The following VGLL3 variants were observed in gnomAD, a reference collection of about 807,000 sequenced individuals.
The protein encoded by VGLL3 is vestigial like family member 3, also known as transcription cofactor vestigial-like protein 3.
A neutral mutation model predicts 29.2 loss-of-function variants in VGLL3; 18 were observed. That is an observed-to-expected ratio of 0.62 (90% CI 0.43 to 0.91). The LOEUF (loss-of-function observed/expected upper bound fraction) is 0.91. VGLL3 is among the 40% of genes least tolerant of loss of function. The pLI is 0.00. For synonymous variants in VGLL3, 180 were observed against 151.8 expected (o/e 1.19, Z -1.36); for missense variants, 440 against 413.2 (o/e 1.06, Z -0.56).
intron 2 of VGLL3, among the ~76,000 whole-genome samples, chr3:86,976,894 T>C (rs889585028): frequency 2.6e-5 from 4 of 152,218 alleles, no homozygotes; most frequent in Non-Finnish European, 4.4e-5. Flanking sequence ...ATTATTGATA[T>C]ATCAAATTAT....
intron 3 of VGLL3, chr3:86,962,923 C>G (rs1312318497): frequency 8.2e-6 from 1 of 121,616 alleles, no homozygotes; most frequent in African/African-American, 2.7e-5. Flanking sequence ...AAAATAGTGA[C>G]TATCTACTAA....
Position 86,943,796 on chromosome 3 carries a change from G to A in VGLL3, c.*3228C>T, listed in dbSNP as rs537902368. ...GTTCCTGATTTGTCAACATTATGTT[G>A]TTTCTTAGCTCCCGATGGTTTATTG... On this transcript the variant is annotated 3_prime_UTR_variant, in exon 4 of 4. Transcript: ENST00000398399. 6.6e-6 allele frequency: 1 copy of A among 152,178 alleles called. No homozygotes were observed. Among genetic ancestry groups the A allele is most frequent in the East Asian group, 1.9e-4 (1 of 5,166 alleles). 9.4% of individuals were successfully genotyped at this position (152,178 alleles called of 1,614,324 possible). A position where few individuals can be genotyped will look rare whatever the true frequency, so the allele number is the denominator to read the frequency against.
chr3:86,963,462 G>A (rs1337493081), intron 3 of VGLL3, among the ~76,000 whole-genome samples: 1 of 152,172 alleles, frequency 6.6e-6, no homozygotes, highest in East Asian at 1.9e-4. Context: ...TTCCTAAGAG[G>A]AATAGGAGTT....
In VGLL3 at chr3:86,970,709, C is replaced by G. The variant is rs568921877; in HGVS notation, c.404-1586G>C. Among the ~76,000 whole-genome samples the G allele has an allele frequency of 4.6e-5, 7 of 152,190 alleles. No homozygotes were observed. The South Asian group carries it at 1.5e-3, about 32-fold the overall frequency. On this transcript the variant is annotated intron_variant, in intron 2 of 3. Transcript: ENST00000398399. ...TGAAGGGTTTTAATCTAGTAAGTGA[C>G]ACAGTCAAATCCGTTTGTGGAAAGA...
intron 3 of VGLL3, among the ~76,000 whole-genome samples, chr3:86,953,894 T>C (rs1389967401): frequency 6.6e-6 from 1 of 152,200 alleles, no homozygotes; most frequent in East Asian, 1.9e-4. Flanking sequence ...TTTTGAACAA[T>C]AATTCTTTTT....
chr3:86,987,286 G>A (rs1041632472), intron 1 of VGLL3, among the ~76,000 whole-genome samples: 1 of 152,158 alleles, frequency 6.6e-6, no homozygotes, highest in South Asian at 2.1e-4. Flanking sequence ...AGAGTCCAGA[G>A]AGAGTTTGAA....
At chr3:86,969,238 C>A (rs1705038213) in intron 2 of VGLL3, 115 bp from the exon 3 acceptor site, 1 of 1,270,298 alleles carries the variant, frequency 7.9e-7, no homozygotes, top group African/African-American at 1.5e-5. Flanking sequence ...GTCAAATTAG[C>A]ATGCACTCTT....
chr3:86,990,431 C>A (rs1705554634), intron 1 of VGLL3, 187 bp downstream of exon 1: 1 of 977,276 alleles, frequency 1.0e-6, no homozygotes, highest in African/African-American at 1.8e-5. Context: ...CATGCCTCAC[C>A]CACCCGTCCA....
intron 1 of VGLL3, among the ~76,000 whole-genome samples, chr3:86,989,469 G>A (rs62257354): frequency 1.4e-4 from 21 of 152,278 alleles, no homozygotes; most frequent in African/African-American, 5.1e-4. Context: ...CGGAAAGTTA[G>A]ATTTCTTTCT....
intron 2 of VGLL3, among the ~76,000 whole-genome samples, chr3:86,977,915 T>C (rs982978950): frequency 6.6e-6 from 1 of 152,210 alleles, no homozygotes. Context: ...TTCAAACACA[T>C]CTCTGTGAGC....
At position 86,943,839 on chromosome 3, in the gene VGLL3, A is replaced by G. The variant is rs1036932334; in HGVS notation, c.*3185T>C. On this transcript the variant is annotated 3_prime_UTR_variant, in exon 4 of 4. Transcript: ENST00000398399. ...GTTTATTGGTGGAAGCATAGATTCTATTTAAAATAAACGAGACAATTTTCT... is the reference window on the plus strand; with the variant it reads ...GTTTATTGGTGGAAGCATAGATTCTGTTTAAAATAAACGAGACAATTTTCT... 1 of 152,166 alleles carries G rather than the reference A, an allele frequency of 6.6e-6. No homozygotes were observed. The highest frequency in any genetic ancestry group is 2.4e-5 in the African/African-American group (1 of 41,446). The allele number at this position is 152,166 out of a possible 1,614,324, so 9.4% of individuals were successfully genotyped here.
Position 86,959,008 on chromosome 3 carries a change from A to ACAAAG in VGLL3, c.937+9581_937+9582insCTTTG, listed in dbSNP as rs1704782051. Among the ~76,000 whole-genome samples the ACAAAG allele has an allele frequency of 1.6e-4, 25 of 152,354 alleles. No individual in the cohort carries two copies. In the South Asian group the frequency reaches 4.8e-3, roughly 29 times the overall value. ...TTGTTACCAAATCATCATAAACTCA[A>ACAAAG]TAATGACAACAAAGTCCAGAAAAAG... On this transcript the variant is annotated intron_variant, in intron 3 of 3. Coordinates refer to ENST00000398399, the MANE Select transcript of VGLL3 (RefSeq NM_016206.4).
At chr3:86,977,167 G>T (rs2107044650) in intron 2 of VGLL3, among the ~76,000 whole-genome samples, 1 of 151,286 alleles carries the variant, frequency 6.6e-6, no homozygotes, top group Admixed American at 6.6e-5. Flanking sequence ...GTTTAGTGTT[G>T]TTTATATTTA....
At chr3:86,987,953 A>G (rs1705487243) in intron 1 of VGLL3, among the ~76,000 whole-genome samples, 1 of 152,216 alleles carries the variant, frequency 6.6e-6, no homozygotes, top group South Asian at 2.1e-4. Flanking sequence ...ACATGCCTGG[A>G]TAATGAAGTT....
rs1165331365 is a variant in VGLL3 at position 86,978,696 on chromosome 3, G to A, written c.233C>T (p.Pro78Leu). ...AGAGTTAAGGTACTCCATCTCGGCA[G>A]GCTGGTCTTTCTCCTCCTCCTCCTC... ...EEEEEEEKDQPAEMEYLNSRC... is the reference protein window; with the variant it reads ...EEEEEEEKDQLAEMEYLNSRC... Residue 78 changes from proline to leucine, a missense_variant, in exon 2 of 4, where the codon CCT becomes CTT. Physicochemically the swap from Pro to Leu is moderately conservative, Grantham distance 98 (BLOSUM62 -3). Transcript: ENST00000398399. 2 of 1,613,900 alleles carry A rather than the reference G, an allele frequency of 1.2e-6. No individual in the cohort carries two copies. The highest frequency in any genetic ancestry group is 1.7e-6 in the Non-Finnish European group (2 of 1,179,990).
intron 2 of VGLL3, 88 bp from the exon 3 acceptor site, chr3:86,969,211 A>G (rs1380905757): frequency 5.6e-6 from 8 of 1,425,968 alleles, no homozygotes; most frequent in South Asian, 4.3e-5. Flanking sequence ...TAATTGTCCA[A>G]TAATATTTTA....
At position 86,941,722 on chromosome 3, in the gene VGLL3, A is replaced by G. The variant is rs532711974; in HGVS notation, c.*5302T>C. 6.6e-6 allele frequency: 1 copy of G among 152,136 alleles called. No homozygotes were observed. The highest frequency in any genetic ancestry group is 1.5e-5 in the Non-Finnish European group (1 of 68,010). 9.4% of individuals were successfully genotyped at this position (152,136 alleles called of 1,614,324 possible). Reference sequence around the variant, plus strand: ...GAAATAGAAAAGTTGAGATACTTTAACAATAATGACGATTTCTGTAGGTTG... The same window carrying G: ...GAAATAGAAAAGTTGAGATACTTTAGCAATAATGACGATTTCTGTAGGTTG... On this transcript the variant is annotated 3_prime_UTR_variant, in exon 4 of 4. Coordinates refer to ENST00000398399, the MANE Select transcript of VGLL3 (RefSeq NM_016206.4).
chr3:86,951,000 A>G (rs557890454), intron 3 of VGLL3, among the ~76,000 whole-genome samples: 22 of 152,294 alleles, frequency 1.4e-4, no homozygotes, highest in Non-Finnish European at 2.8e-4. Flanking sequence ...TCCTTACTTC[A>G]ATGCCAACAC....
Position 86,969,033 on chromosome 3 carries a change from C to G in VGLL3, c.494G>C (p.Gly165Ala). 1 of 1,613,986 alleles carries G rather than the reference C, an allele frequency of 6.2e-7. No homozygotes were observed. The highest frequency in any genetic ancestry group is 8.5e-7 in the Non-Finnish European group (1 of 1,179,986). Reference sequence around the variant, plus strand: ...AGTGACCTGGAAGTCAGGATGAACTCCCCCCAAACAAGGTGCAGGTGGGGG... The same window carrying G: ...AGTGACCTGGAAGTCAGGATGAACTGCCCCCAAACAAGGTGCAGGTGGGGG... The part of the protein sequence containing the change: ...YQPPPAPCLG[G>A]VHPDFQVTGP... The change falls in exon 3 of 4, where the codon GGA becomes GCA. Residue 165 changes from glycine (G) to alanine (A), a missense_variant. Physicochemically the swap from Gly to Ala is moderately conservative, Grantham distance 60 (BLOSUM62 0). Coordinates refer to ENST00000398399, the MANE Select transcript of VGLL3 (RefSeq NM_016206.4).
Sources: gnomAD v4.1 joint callset for allele counts (sites outside exome capture counted in the v4.1 genomes callset) on GRCh38, gnomAD v4.1.1 for gene constraint, MANE v1.5 for transcripts, NCBI Gene and HGNC (gene_info 2026-07-23, HGNC 2026-07-21) for gene names.